ASB18: variants seen among roughly 807,000 people sequenced by gnomAD.
ASB18 encodes the protein ankyrin repeat and SOCS box containing 18, also known as ankyrin repeat and SOCS box protein 18.
A neutral mutation model predicts 33.4 loss-of-function variants in ASB18; 33 were observed. The ratio of observed to expected loss-of-function variants is 0.99; its 90% CI spans 0.75 to 1.32. ASB18 has a LOEUF of 1.32. ASB18 is among the 40% of genes most tolerant of loss of function. The probability of loss-of-function intolerance (pLI) is 0.00; values close to 1 mark genes in which losing one functional copy is unlikely to be tolerated. For synonymous variants in ASB18, 295 were observed against 307.6 expected (o/e 0.96, Z 0.43); for missense variants, 694 against 655.5 (o/e 1.06, Z -0.64).
At chr2:236,233,724 C>T (rs1277960222) in intron 3 of ASB18, among the ~76,000 whole-genome samples, 1 of 152,030 alleles carries the variant, frequency 6.6e-6, no homozygotes, top group Non-Finnish European at 1.5e-5. Context: ...AAACCTTGTT[C>T]CCTAAAAACT....
rs2060466751 is a variant in ASB18 at position 236,213,174 on chromosome 2, A to C, written c.1101+1188T>G. 6.7e-6 allele frequency among the ~76,000 whole-genome samples: 1 copy of C among 148,536 alleles called. No homozygotes were observed. Among genetic ancestry groups the C allele is most frequent in the South Asian group, 2.2e-4 (1 of 4,464 alleles). ...TCCACTATATTGAAATCATTGCCTT[A>C]GTGGAGCACCACAAGACAATTACCC... is the stretch of plus-strand genomic sequence containing the variant. On this transcript the variant is annotated intron_variant, in intron 4 of 5. Coordinates refer to ENST00000409749, the MANE Select transcript of ASB18 (RefSeq NM_212556.4). This position sits in a 1 kb window ranked among gnomAD's most constrained non-coding sequence, Gnocchi z 4.8.
Position 236,229,384 on chromosome 2 carries a change from A to C in ASB18, c.596+8305T>G, listed in dbSNP as rs1215861355. On this transcript the variant is annotated intron_variant, in intron 3 of 5. Coordinates refer to ENST00000409749, the MANE Select transcript of ASB18 (RefSeq NM_212556.4). This position sits in a 1 kb window ranked among gnomAD's most constrained non-coding sequence, Gnocchi z 5.2. ...CAGAGCATCAGTGAACTGTGGAACA[A>C]TCTTAAGTGGCATAGTATATGTATA... is the stretch of plus-strand genomic sequence containing the variant. Among the ~76,000 whole-genome samples the C allele has an allele frequency of 2.0e-5, 3 of 152,172 alleles. No individual in the cohort carries two copies. The highest frequency in any genetic ancestry group is 4.4e-5 in the Non-Finnish European group (3 of 68,020).
Position 236,214,929 on chromosome 2 carries a change from G to A in ASB18, c.597-63C>T, listed in dbSNP as rs1212657673. 2.5e-6 allele frequency: 3 copies of A among 1,179,858 alleles called. No individual in the cohort carries two copies. Among genetic ancestry groups the A allele is most frequent in the African/African-American group, 3.2e-5 (2 of 62,186 alleles). The allele number at this position is 1,179,858 out of a possible 1,614,324, so 73.1% of individuals were successfully genotyped here. A position where few individuals can be genotyped will look rare whatever the true frequency, so the allele number is the denominator to read the frequency against. On this transcript the variant is annotated intron_variant, in intron 3 of 5. Transcript: ENST00000409749. This position sits in a 1 kb window ranked among gnomAD's most constrained non-coding sequence, Gnocchi z 6.5. Reference sequence around the variant, plus strand: ...AGGACGCCCGCACCCTTCCACCCCCGGCCTGCTGCTGCAAAATATCAAGTG... The same window carrying A: ...AGGACGCCCGCACCCTTCCACCCCCAGCCTGCTGCTGCAAAATATCAAGTG...
At position 236,213,072 on chromosome 2, in the gene ASB18, AT is replaced by A. The variant is rs566315279; in HGVS notation, c.1101+1289del. On this transcript the variant is annotated intron_variant, in intron 4 of 5. Transcript: ENST00000409749. The surrounding 1 kb of genome is among the most constrained non-coding windows in gnomAD (Gnocchi z 4.8). ...ACTAAGCCTGCTAATGATGGGAAAC[AT>A]TAAAATGTAAATTATAAATATAAAA... 9.2e-5 allele frequency among the ~76,000 whole-genome samples: 14 copies of A among 152,372 alleles called. No homozygotes were observed. In the South Asian group the frequency reaches 2.9e-3, roughly 32 times the overall value.
chr2:236,207,119 A>C (rs764067449), intron 4 of ASB18, among the ~76,000 whole-genome samples: 1 of 152,204 alleles, frequency 6.6e-6, no homozygotes, highest in Non-Finnish European at 1.5e-5. Context: ...GGGGGCTCTG[A>C]GTGCAGCTTG....
In ASB18 at chr2:236,200,760, A is replaced by C. The variant is rs900620684; in HGVS notation, c.1102-4375T>G. Among the ~76,000 whole-genome samples the C allele has an allele frequency of 6.6e-6, 1 of 152,216 alleles. No homozygotes were observed. Among genetic ancestry groups the C allele is most frequent in the African/African-American group, 2.4e-5 (1 of 41,460 alleles). ...ATCGATGAATAAGCACCCTTTTCTC[A>C]TTTGAAATTCACTGTAATTGTATTT... On this transcript the variant is annotated intron_variant, in intron 4 of 5. Coordinates refer to ENST00000409749, the MANE Select transcript of ASB18 (RefSeq NM_212556.4). The surrounding 1 kb of genome is among the most constrained non-coding windows in gnomAD (Gnocchi z 4.2).
Position 236,237,990 on chromosome 2 carries a change from G to A in ASB18, c.329-34C>T, listed in dbSNP as rs1325353908. On this transcript the variant is annotated intron_variant, in intron 2 of 5. Transcript: ENST00000409749. The surrounding 1 kb of genome is among the most constrained non-coding windows in gnomAD (Gnocchi z 6.2). ...AGGGAGGTGGGATGTAAGGTCAGGG[G>A]GAGGTTAGTTGTGGTGGTGGTGGGC... The A allele has an allele frequency of 6.9e-7, 1 of 1,447,326 alleles. No individual in the cohort carries two copies. The highest frequency in any genetic ancestry group is 1.3e-5 in the South Asian group (1 of 74,834). The allele number at this position is 1,447,326 out of a possible 1,614,324, so 89.7% of individuals were successfully genotyped here. A position where few individuals can be genotyped will look rare whatever the true frequency, so the allele number is the denominator to read the frequency against.
intron 3 of ASB18, among the ~76,000 whole-genome samples, chr2:236,224,579 G>A (rs954560232): frequency 3.9e-5 from 6 of 152,158 alleles, no homozygotes; most frequent in Non-Finnish European, 8.8e-5. Context: ...AGTTAACAAA[G>A]GAGATGCAAT....
At chr2:236,227,869 T>C (rs192884163) in intron 3 of ASB18, among the ~76,000 whole-genome samples, 190 of 152,286 alleles carry the variant, frequency 1.2e-3, no homozygotes, top group African/African-American at 4.4e-3. Flanking sequence ...GTTTGACACA[T>C]TGCCATAGCA....
rs546120535 is a variant in ASB18, at chr2:236,193,586, C to G, written c.*1286G>C. On this transcript the variant is annotated 3_prime_UTR_variant, in exon 6 of 6. Coordinates refer to ENST00000409749, the MANE Select transcript of ASB18 (RefSeq NM_212556.4). The surrounding 1 kb of genome is among the most constrained non-coding windows in gnomAD (Gnocchi z 5.0). ...CCGAGGCGGGCAGATCACCTGAGAT[C>G]GGGAGTTTGAGACCAGCCTGACGAA... Among the ~76,000 whole-genome samples the G allele has an allele frequency of 6.6e-6, 1 of 152,128 alleles. No homozygotes were observed. Among genetic ancestry groups the G allele is most frequent in the Non-Finnish European group, 1.5e-5 (1 of 68,026 alleles).
In ASB18 at chr2:236,255,565, G is replaced by T. The variant is rs553971593; in HGVS notation, c.205+8576C>A. On this transcript the variant is annotated intron_variant, in intron 1 of 5. Coordinates refer to ENST00000409749, the MANE Select transcript of ASB18 (RefSeq NM_212556.4). This position sits in a 1 kb window ranked among gnomAD's most constrained non-coding sequence, Gnocchi z 4.4. ...GGTAAAGCAGGAGAGGAGGGTGGCT[G>T]TGAGGGAATAGCTAGCAGCTGGTGG... Among the ~76,000 whole-genome samples the T allele has an allele frequency of 6.6e-6, 1 of 152,344 alleles. No homozygotes were observed. Among genetic ancestry groups the T allele is most frequent in the Admixed American group, 6.5e-5 (1 of 15,304 alleles).
Position 236,214,958 on chromosome 2 carries a change from T to G in ASB18, c.597-92A>C. 1 of 1,017,328 alleles carries G rather than the reference T, an allele frequency of 9.8e-7. No individual in the cohort carries two copies. The highest frequency in any genetic ancestry group is 1.2e-6 in the Non-Finnish European group (1 of 818,608). 63.0% of individuals were successfully genotyped at this position (1,017,328 alleles called of 1,614,324 possible). ...TGCTGCTGCAAAATATCAAGTGACC[T>G]CTGAATGAAAAGACATGCTCCGCTC... is the stretch of plus-strand genomic sequence containing the variant. On this transcript the variant is annotated intron_variant, in intron 3 of 5. Transcript: ENST00000409749. The surrounding 1 kb of genome is among the most constrained non-coding windows in gnomAD (Gnocchi z 6.5).
In ASB18 at chr2:236,194,365, A is replaced by G. The variant is rs976674382; in HGVS notation, c.*507T>C. 4.7e-4 allele frequency among the ~76,000 whole-genome samples: 72 copies of G among 152,350 alleles called. No individual in the cohort carries two copies. The highest frequency in any genetic ancestry group is 1.7e-3 in the African/African-American group (72 of 41,592). On this transcript the variant is annotated 3_prime_UTR_variant, in exon 6 of 6. Transcript: ENST00000409749. This position sits in a 1 kb window ranked among gnomAD's most constrained non-coding sequence, Gnocchi z 4.5. ...CTTGTTATTAATCTCTTTTAAAGGT[A>G]TGTGTAGCTTGCCTTTATTTCAATC...
rs1366158169 is a variant in ASB18, at chr2:236,213,338, A to C, written c.1101+1024T>G. 6.6e-6 allele frequency among the ~76,000 whole-genome samples: 1 copy of C among 152,172 alleles called. No individual in the cohort carries two copies. Among genetic ancestry groups the C allele is most frequent in the East Asian group, 1.9e-4 (1 of 5,202 alleles). On this transcript the variant is annotated intron_variant, in intron 4 of 5. Transcript: ENST00000409749. The surrounding 1 kb of genome is among the most constrained non-coding windows in gnomAD (Gnocchi z 4.8). Reference sequence around the variant, plus strand: ...AACGCATCTATAATGGAAAGTTAGCATTTGAGAGAAATGAGTGAATCTCAC... The same window carrying C: ...AACGCATCTATAATGGAAAGTTAGCCTTTGAGAGAAATGAGTGAATCTCAC...
At position 236,214,905 on chromosome 2, in the gene ASB18, G is replaced by A. The variant is rs1429221570; in HGVS notation, c.597-39C>T. 4.2e-6 allele frequency: 5 copies of A among 1,204,704 alleles called. No individual in the cohort carries two copies. The highest frequency in any genetic ancestry group is 4.1e-6 in the Non-Finnish European group (4 of 970,238). The allele number at this position is 1,204,704 out of a possible 1,614,324, so 74.6% of individuals were successfully genotyped here. ...GGGCCTGTCACTCGGGCGCCACGCA[G>A]GACGCCCGCACCCTTCCACCCCCGG... On this transcript the variant is annotated intron_variant, in intron 3 of 5. Transcript: ENST00000409749. The surrounding 1 kb of genome is among the most constrained non-coding windows in gnomAD (Gnocchi z 6.5).
chr2:236,212,718 G>A (rs531441001), intron 4 of ASB18, among the ~76,000 whole-genome samples: 33 of 152,204 alleles, frequency 2.2e-4, no homozygotes, highest in African/African-American at 7.7e-4. Context: ...TCCACATCCT[G>A]GGTTTAGGTA....
intron 2 of ASB18, among the ~76,000 whole-genome samples, chr2:236,240,342 C>T (rs779653527): frequency 6.6e-6 from 1 of 152,184 alleles, no homozygotes; most frequent in African/African-American, 2.4e-5. Flanking sequence ...ATTCTCTTCT[C>T]CCCGTGTGAG....
chr2:236,202,797 AT>A (rs1559327063), intron 4 of ASB18, among the ~76,000 whole-genome samples: 4,758 of 101,170 alleles, frequency 0.047, 344 homozygotes, highest in African/African-American at 0.18. Context: ...AAAAAAAAAT[AT>A]ATATATATAT....
chr2:236,260,859 G>A lies in ASB18; in HGVS notation c.205+3282C>T, dbSNP rs2060714043. ...TGCCAGTCTCTGAGGGGAGGCCCCA[G>A]CAGAAAGCAGTTCCCAAGCTCATCC... On this transcript the variant is annotated intron_variant, in intron 1 of 5. Coordinates refer to ENST00000409749, the MANE Select transcript of ASB18 (RefSeq NM_212556.4). This position sits in a 1 kb window ranked among gnomAD's most constrained non-coding sequence, Gnocchi z 5.1. Among the ~76,000 whole-genome samples, 1 of 152,170 alleles carries A rather than the reference G, an allele frequency of 6.6e-6. No homozygotes were observed. Among genetic ancestry groups the A allele is most frequent in the Non-Finnish European group, 1.5e-5 (1 of 68,038 alleles).
Sources: gnomAD v4.1 joint callset for allele counts (sites outside exome capture counted in the v4.1 genomes callset) on GRCh38, gnomAD v4.1.1 for gene constraint, Gnocchi (gnomAD v3.1) non-coding constraint, MANE v1.5 for transcripts, NCBI Gene and HGNC (gene_info 2026-07-23, HGNC 2026-07-21) for gene names.